KHDRBS3: variants seen among roughly 807,000 people sequenced by gnomAD.
KHDRBS3 encodes KH domain-containing, RNA-binding, signal transduction-associated protein 3.
A neutral mutation model predicts 45.6 loss-of-function variants in KHDRBS3; 23 were observed. The observed-to-expected ratio is 0.50, with a 90% CI of 0.36 to 0.72. The LOEUF (loss-of-function observed/expected upper bound fraction) is 0.72, where lower values mean the gene tolerates loss of function less well. KHDRBS3 is among the 30% of genes least tolerant of loss of function. The pLI is 0.00. For missense variants in KHDRBS3, 352 were observed against 424.8 expected (o/e 0.83, Z 1.51); for synonymous variants, 162 against 156.5 (o/e 1.04, Z -0.26).
At chr8:135,479,904 C>G (rs1303729932) in intron 1 of KHDRBS3, among the ~76,000 whole-genome samples, 1 of 152,140 alleles carries the variant, frequency 6.6e-6, no homozygotes, top group Non-Finnish European at 1.5e-5. Flanking sequence ...ATGAAATCAT[C>G]TTCAACAAAA....
intron 2 of KHDRBS3, among the ~76,000 whole-genome samples, chr8:135,522,708 G>A (rs1203183351): frequency 6.6e-6 from 1 of 152,090 alleles, no homozygotes; most frequent in Non-Finnish European, 1.5e-5. Flanking sequence ...TTTGAATCTT[G>A]AAATCTTTGC....
rs531425327 is a variant in KHDRBS3, at chr8:135,481,703, G to A, written c.88+23749G>A. 9.2e-5 allele frequency among the ~76,000 whole-genome samples: 14 copies of A among 152,254 alleles called. No homozygotes were observed. In the East Asian group the frequency reaches 2.5e-3, roughly 27 times the overall value. On this transcript the variant is annotated intron_variant, in intron 1 of 8. Coordinates refer to ENST00000355849, the MANE Select transcript of KHDRBS3 (RefSeq NM_006558.3). The stretch of plus-strand genomic sequence containing the variant: ...TTAAAGGTTCTTGACTTACATCGTC[G>A]ACTAACGTTGTCAAATTGATTTATA...
At chr8:135,646,963 T>G in intron 8 of KHDRBS3, 30 bp from the exon 9 acceptor site, 1 of 1,182,182 alleles carries the variant, frequency 8.5e-7, no homozygotes, top group Non-Finnish European at 1.3e-6. Flanking sequence ...ATGGCAGTGA[T>G]CTAATTGTGA....
At chr8:135,515,783 A>G (rs902588922) in intron 1 of KHDRBS3, among the ~76,000 whole-genome samples, 3 of 152,222 alleles carry the variant, frequency 2.0e-5, no homozygotes, top group Admixed American at 6.5e-5. Context: ...GCCATTTTAG[A>G]TGGGTAAAAT....
chr8:135,521,338 G>C lies in KHDRBS3; in HGVS notation c.190G>C (p.Val64Leu), dbSNP rs373981616. The C allele has an allele frequency of 1.9e-6, 3 of 1,602,482 alleles. No individual in the cohort carries two copies. The African/African-American group carries it at 4.0e-5, about 21-fold the overall frequency. ...MKLGQKVLIPVKQFPKFNFVG... is the reference protein window; with the variant it reads ...MKLGQKVLIPLKQFPKFNFVG... Reference sequence around the variant, plus strand: ...GCTGGGACAGAAAGTGTTAATTCCCGTAAAACAGTTCCCTAAGGTAAGACA... The same window carrying C: ...GCTGGGACAGAAAGTGTTAATTCCCCTAAAACAGTTCCCTAAGGTAAGACA... The change falls in exon 2 of 9, where the codon GTA becomes CTA. Residue 64 changes from valine to leucine, a missense_variant. Coordinates refer to ENST00000355849, the MANE Select transcript of KHDRBS3 (RefSeq NM_006558.3).
intron 7 of KHDRBS3, among the ~76,000 whole-genome samples, chr8:135,631,385 CAT>C (rs1176285379): frequency 6.6e-6 from 1 of 150,860 alleles, no homozygotes; most frequent in African/African-American, 2.4e-5. Flanking sequence ...AAAACACAAA[CAT>C]ATTGTACAAC....
At chr8:135,477,567 A>G (rs1250857519) in intron 1 of KHDRBS3, among the ~76,000 whole-genome samples, 2 of 152,246 alleles carry the variant, frequency 1.3e-5, no homozygotes, top group Non-Finnish European at 2.9e-5. Flanking sequence ...GAAACAAACT[A>G]GGACTTGATT....
chr8:135,492,402 A>G (rs1301665760), intron 1 of KHDRBS3, among the ~76,000 whole-genome samples: 1 of 152,036 alleles, frequency 6.6e-6, no homozygotes, highest in Admixed American at 6.6e-5. Flanking sequence ...AGAAAGATGT[A>G]AGATATATTA....
chr8:135,578,409 G>A (rs1828047026), intron 5 of KHDRBS3, among the ~76,000 whole-genome samples: 1 of 150,914 alleles, frequency 6.6e-6, no homozygotes. Flanking sequence ...AAATATGTCT[G>A]TGTCTAGGTG....
intron 1 of KHDRBS3, among the ~76,000 whole-genome samples, chr8:135,515,322 C>T (rs1441637131): frequency 2.3e-5 from 3 of 128,528 alleles, no homozygotes; most frequent in East Asian, 4.6e-4. Context: ...GCCAAGATCA[C>T]GCCACTGCAC....
intron 6 of KHDRBS3, among the ~76,000 whole-genome samples, chr8:135,600,375 T>C (rs1045924330): frequency 1.2e-4 from 18 of 152,200 alleles, no homozygotes; most frequent in African/African-American, 4.3e-4. Flanking sequence ...CTGATGAATC[T>C]AATAATTCTG....
chr8:135,629,939 G>A (rs544633920), intron 7 of KHDRBS3, among the ~76,000 whole-genome samples: 6 of 152,336 alleles, frequency 3.9e-5, no homozygotes, highest in East Asian at 3.9e-4. Context: ...GGAAAAAGCC[G>A]AGACAATGGG....
At chr8:135,565,244 T>A (rs915296124) in intron 5 of KHDRBS3, among the ~76,000 whole-genome samples, 2 of 152,032 alleles carry the variant, frequency 1.3e-5, no homozygotes, top group Admixed American at 1.3e-4. Flanking sequence ...TAAGCATGCA[T>A]TGCTGGAGGG....
intron 1 of KHDRBS3, among the ~76,000 whole-genome samples, chr8:135,508,844 C>T (rs1037793240): frequency 2.6e-5 from 4 of 152,046 alleles, no homozygotes; most frequent in Non-Finnish European, 5.9e-5. Flanking sequence ...CCTCTTTTTT[C>T]CTGTTGTTTA....
chr8:135,587,340 G>A (rs1362396299), intron 6 of KHDRBS3, among the ~76,000 whole-genome samples: 2 of 152,172 alleles, frequency 1.3e-5, no homozygotes, highest in East Asian at 3.9e-4. Context: ...GTATGACACA[G>A]CCATTTGAGT....
intron 6 of KHDRBS3, among the ~76,000 whole-genome samples, chr8:135,585,984 G>C (rs1828452646): frequency 6.6e-6 from 1 of 152,174 alleles, no homozygotes; most frequent in Non-Finnish European, 1.5e-5. Flanking sequence ...TTGTCTTCTA[G>C]CACTGGACGG....
At chr8:135,503,882 C>T (rs1663904971) in intron 1 of KHDRBS3, among the ~76,000 whole-genome samples, 1 of 152,026 alleles carries the variant, frequency 6.6e-6, no homozygotes, top group South Asian at 2.1e-4. Context: ...ATATTTAATT[C>T]TAGTTATATT....
At chr8:135,579,872 A>G (rs377510991) in intron 5 of KHDRBS3, among the ~76,000 whole-genome samples, 2 of 152,162 alleles carry the variant, frequency 1.3e-5, no homozygotes, top group Admixed American at 1.3e-4. Flanking sequence ...GGAGTTTGCT[A>G]ATAGTTTTGA....
At chr8:135,489,138 A>G (rs1823010801) in intron 1 of KHDRBS3, among the ~76,000 whole-genome samples, 1 of 152,036 alleles carries the variant, frequency 6.6e-6, no homozygotes, top group South Asian at 2.1e-4. Context: ...ATATTTAGAG[A>G]ATTTCTTTTT....
Sources: allele counts gnomAD v4.1 joint callset (sites outside exome capture counted in the v4.1 genomes callset), GRCh38; gene constraint gnomAD v4.1.1; transcripts MANE v1.5; gene names NCBI Gene and HGNC (gene_info 2026-07-23, HGNC 2026-07-21).